Variants in PRRC2C observed in about 807,000 individuals in gnomAD.
PRRC2C encodes proline rich coiled-coil 2C, also known as protein PRRC2C.
In PRRC2C, 72 loss-of-function variants were observed where a neutral mutation model predicts 317.2. The observed-to-expected ratio is 0.23, with a 90% CI of 0.19 to 0.28. The LOEUF is 0.28. Among genes scored for constraint, PRRC2C ranks in the 10% least tolerant of loss-of-function variants. The probability of loss-of-function intolerance (pLI) is 1.00; values close to 1 mark genes in which losing one functional copy is unlikely to be tolerated. For missense variants in PRRC2C, 3,074 were observed against 3,459.7 expected, an observed-to-expected ratio of 0.89 and a Z score of 2.80; for synonymous variants, 1,296 against 1,205.9, an observed-to-expected ratio of 1.07 and a Z score of -1.55.
chr1:171,506,534 C>T (rs1026696496), intron 1 of PRRC2C, among the ~76,000 whole-genome samples: 1 of 149,526 alleles, frequency 6.7e-6, no homozygotes, highest in Non-Finnish European at 1.5e-5. Flanking sequence ...TCTCAAGCCC[C>T]TCTATGTGTA....
chr1:171,565,571 C>T (rs1484034014), intron 20 of PRRC2C, among the ~76,000 whole-genome samples: 1 of 152,212 alleles, frequency 6.6e-6, no homozygotes, highest in South Asian at 2.1e-4. Flanking sequence ...CATCAGCCTC[C>T]TGAGTAGCTG....
At position 171,572,430 on chromosome 1, in the gene PRRC2C, C is replaced by G. The variant is rs180765701; in HGVS notation, c.6753+1009C>G. Among the ~76,000 whole-genome samples, 30 of 152,328 alleles carry G rather than the reference C, an allele frequency of 2.0e-4. No individual in the cohort carries two copies. The East Asian group carries it at 5.4e-3, about 27-fold the overall frequency. On this transcript the variant is annotated intron_variant, in intron 24 of 34. Coordinates refer to ENST00000647382, the MANE Select transcript of PRRC2C (RefSeq NM_001387844.1). ...CTTTGATGATCTTCAGTTGGGGTCACAGGAACTTTGTTGTTCTACAGTGTG... is the reference window on the plus strand; with the variant it reads ...CTTTGATGATCTTCAGTTGGGGTCAGAGGAACTTTGTTGTTCTACAGTGTG...
Position 171,560,876 on chromosome 1 carries a change from T to C in PRRC2C, c.6032-142T>C, listed in dbSNP as rs1301309379. The C allele has an allele frequency of 6.8e-6, 5 of 734,866 alleles. No homozygotes were observed. In the Admixed American group the frequency reaches 9.9e-5, roughly 15 times the overall value. The allele number at this position is 734,866 out of a possible 1,614,324, so 45.5% of individuals were successfully genotyped here. ...CTGTATGTTGATACATAATAATCTT[T>C]GTAAGTCTGATTTGAAAAGTGATTG... On this transcript the variant is annotated intron_variant, in intron 19 of 34. Coordinates refer to ENST00000647382, the MANE Select transcript of PRRC2C (RefSeq NM_001387844.1).
chr1:171,505,671 G>C (rs1316721512), intron 1 of PRRC2C, among the ~76,000 whole-genome samples: 2 of 152,134 alleles, frequency 1.3e-5, no homozygotes, highest in African/African-American at 4.8e-5. Context: ...GGGAACAGAA[G>C]GGCAAGCATA....
intron 28 of PRRC2C, among the ~76,000 whole-genome samples, chr1:171,580,241 A>G (rs1648210709): frequency 6.6e-6 from 1 of 152,230 alleles, no homozygotes; most frequent in African/African-American, 2.4e-5. Context: ...TAGCTGCTAA[A>G]GAACCTAAAA....
intron 17 of PRRC2C, among the ~76,000 whole-genome samples, chr1:171,546,302 A>G (rs1165048972): frequency 6.6e-6 from 1 of 152,242 alleles, no homozygotes; most frequent in Non-Finnish European, 1.5e-5. Context: ...TTTGCCATTC[A>G]TTTGGATGAA....
intron 1 of PRRC2C, among the ~76,000 whole-genome samples, chr1:171,507,508 G>A (rs575437963): frequency 6.6e-6 from 1 of 152,248 alleles, no homozygotes; most frequent in South Asian, 2.1e-4. Flanking sequence ...CTACTTGGGA[G>A]GCAGAAGCAG....
At chr1:171,506,687 TTGTGTG>T (rs34060083) in intron 1 of PRRC2C, among the ~76,000 whole-genome samples, 16 of 136,602 alleles carry the variant, frequency 1.2e-4, no homozygotes, top group Admixed American at 5.9e-4. Flanking sequence ...TTTTTTTTCT[TTGTGTG>T]TGTGTGTGTG....
At chr1:171,509,150 G>T (rs1394443497) in intron 1 of PRRC2C, among the ~76,000 whole-genome samples, 1 of 152,222 alleles carries the variant, frequency 6.6e-6, no homozygotes, top group Non-Finnish European at 1.5e-5. Flanking sequence ...CCCCCAAAGT[G>T]CTGGGATTAC....
chr1:171,547,931 G>C (rs1679470875), intron 17 of PRRC2C, among the ~76,000 whole-genome samples: 1 of 151,950 alleles, frequency 6.6e-6, no homozygotes, highest in South Asian at 2.1e-4. Flanking sequence ...GGGATTAAAG[G>C]CATGAGCCAC....
At chr1:171,580,045 TC>T (rs749341817) in intron 28 of PRRC2C, 81 bp downstream of exon 28, 101 of 1,263,200 alleles carry the variant, frequency 8.0e-5, no homozygotes, top group Non-Finnish European at 1.0e-4. Flanking sequence ...TCCATACTGT[TC>T]CTTCCCAAAA....
rs150360990 is a variant in PRRC2C, at chr1:171,528,583, G to A, written c.1254+739G>A. On this transcript the variant is annotated intron_variant, in intron 11 of 34. Coordinates refer to ENST00000647382, the MANE Select transcript of PRRC2C (RefSeq NM_001387844.1). ...TGGGATTACAGGCGTGAGCCACCGC[G>A]CCCGGCCAATGAAATTCTTTTAGTG... 4.1e-3 allele frequency among the ~76,000 whole-genome samples: 620 copies of A among 152,148 alleles called. 3 individuals are homozygous for A. Among genetic ancestry groups the A allele is most frequent in the African/African-American group, 0.013 (540 of 41,516 alleles).
At chr1:171,545,420 G>A (rs1215178400) in intron 16 of PRRC2C, 59 bp from the exon 17 acceptor site, 1 of 1,412,972 alleles carries the variant, frequency 7.1e-7, no homozygotes, top group Non-Finnish European at 9.7e-7. Context: ...GCCAATAAGA[G>A]CATTTTTCTT....
In PRRC2C at chr1:171,549,993, T is replaced by G. The variant is rs1679900599; in HGVS notation, c.4973-93T>G. ...TAGGAACTAGGCCTTTGGCTAGTTT[T>G]TTTTTTTTTTTTAAGTACTACTGTA... On this transcript the variant is annotated intron_variant, in intron 17 of 34. Coordinates refer to ENST00000647382, the MANE Select transcript of PRRC2C (RefSeq NM_001387844.1). 12 of 1,060,444 alleles carry G rather than the reference T, an allele frequency of 1.1e-5. No homozygotes were observed. The East Asian group carries it at 1.4e-4, about 12-fold the overall frequency. 65.7% of individuals were successfully genotyped at this position (1,060,444 alleles called of 1,614,324 possible).
In PRRC2C at chr1:171,566,435, A is replaced by C. The variant is rs375951794; in HGVS notation, c.6306+14A>C. 3 of 1,536,324 alleles carry C rather than the reference A, an allele frequency of 2.0e-6. No homozygotes were observed. The highest frequency in any genetic ancestry group is 2.6e-6 in the Non-Finnish European group (3 of 1,141,702). On this transcript the variant is annotated intron_variant, in intron 21 of 34. Transcript: ENST00000647382. ...AAAGCCCAGAAGGTAAATATACTTT[A>C]TAATCCAGATAAAATTTTATGAAGG...
In PRRC2C at chr1:171,536,207, T is replaced by A; in HGVS notation, c.2222T>A (p.Met741Lys). 6.2e-7 allele frequency: 1 copy of A among 1,613,536 alleles called. No individual in the cohort carries two copies. The highest frequency in any genetic ancestry group is 1.1e-5 in the South Asian group (1 of 90,938). ...ATGGGTTTTGATCCAAGGTGGCTCA[T>A]GATGCAGTCCTACATGGATCCTCGA... ...ASMGFDPRWLMMQSYMDPRMM... is the reference protein window; with the variant it reads ...ASMGFDPRWLKMQSYMDPRMM... The change falls in exon 14 of 35, where the codon ATG (methionine) becomes AAG (lysine). Residue 741 changes from methionine (M) to lysine (K), a missense_variant. Coordinates refer to ENST00000647382, the MANE Select transcript of PRRC2C (RefSeq NM_001387844.1).
At chr1:171,495,363 A>T (rs1309385471) in intron 1 of PRRC2C, among the ~76,000 whole-genome samples, 1 of 152,180 alleles carries the variant, frequency 6.6e-6, no homozygotes, top group Non-Finnish European at 1.5e-5. Context: ...AGACCTTTAA[A>T]AATCTTGGTC....
rs555613164 is a variant in PRRC2C at position 171,497,035 on chromosome 1, C to A, written c.-58+11300C>A. Among the ~76,000 whole-genome samples the A allele has an allele frequency of 5.3e-5, 8 of 152,206 alleles. No homozygotes were observed. In the South Asian group the frequency reaches 1.5e-3, roughly 28 times the overall value. On this transcript the variant is annotated intron_variant, in intron 1 of 34. Coordinates refer to ENST00000647382, the MANE Select transcript of PRRC2C (RefSeq NM_001387844.1). ...CAAACTCCATTGCTCAAGCTATCCT[C>A]CCACCTCTGCCTCCCAGAGTGCTGG...
At chr1:171,534,914 A>G (rs1359795665) in intron 12 of PRRC2C, among the ~76,000 whole-genome samples, 4 of 152,244 alleles carry the variant, frequency 2.6e-5, no homozygotes, top group African/African-American at 4.8e-5. Context: ...AGAATGAATT[A>G]TGTTTGAAGA....
Sources: gnomAD v4.1 joint callset for allele counts (sites outside exome capture counted in the v4.1 genomes callset) on GRCh38, gnomAD v4.1.1 for gene constraint, MANE v1.5 for transcripts, NCBI Gene and HGNC (gene_info 2026-07-23, HGNC 2026-07-21) for gene names.